Variants in NR3C2 observed in about 807,000 individuals in gnomAD.
NR3C2 encodes the protein nuclear receptor subfamily 3 group C member 2, also known as mineralocorticoid receptor.
A neutral mutation model predicts 86.4 loss-of-function variants in NR3C2; 15 were observed. That is an observed-to-expected ratio of 0.17 (90% CI 0.12 to 0.27). The LOEUF (loss-of-function observed/expected upper bound fraction) is 0.27. NR3C2 is among the 10% of genes least tolerant of loss of function. NR3C2 has a pLI of 1.00. For synonymous variants in NR3C2, 458 were observed against 450.5 expected (o/e 1.02, Z -0.21); for missense variants, 960 against 1,195.6 (o/e 0.80, Z 2.91).
At chr4:148,314,095 C>CA (rs2149940513) in intron 2 of NR3C2, among the ~76,000 whole-genome samples, 1 of 152,026 alleles carries the variant, frequency 6.6e-6, no homozygotes, top group East Asian at 1.9e-4. Context: ...CTATGGAGGG[C>CA]AAGTAAGATT....
intron 6 of NR3C2, among the ~76,000 whole-genome samples, chr4:148,132,834 G>C (rs373948465): frequency 6.6e-6 from 1 of 152,118 alleles, no homozygotes; most frequent in South Asian, 2.1e-4. Context: ...GGAGACTCAC[G>C]ATCACTTAAT....
intron 2 of NR3C2, among the ~76,000 whole-genome samples, chr4:148,320,689 G>A (rs1743526233): frequency 6.6e-6 from 1 of 151,862 alleles, no homozygotes; most frequent in Non-Finnish European, 1.5e-5. Flanking sequence ...ATTCTCTGAT[G>A]GTAGTTTGTA....
chr4:148,411,133 G>A (rs1210653005), intron 2 of NR3C2, among the ~76,000 whole-genome samples: 1 of 117,352 alleles, frequency 8.5e-6, no homozygotes, highest in African/African-American at 3.3e-5. Context: ...TCCCCCACCC[G>A]CCCACCACCC....
chr4:148,120,773 G>T (rs534249419), intron 6 of NR3C2, among the ~76,000 whole-genome samples: 1 of 152,296 alleles, frequency 6.6e-6, no homozygotes, highest in South Asian at 2.1e-4. Context: ...AGGTCATGGA[G>T]CATGTTATTA....
chr4:148,414,990 A>G (rs1312715508), intron 2 of NR3C2, among the ~76,000 whole-genome samples: 2 of 152,350 alleles, frequency 1.3e-5, no homozygotes, highest in African/African-American at 4.8e-5. Context: ...CATAAATGCA[A>G]ATCTTTAAAA....
chr4:148,172,739 C>A (rs1735192621), intron 4 of NR3C2, among the ~76,000 whole-genome samples: 1 of 152,110 alleles, frequency 6.6e-6, no homozygotes, highest in African/African-American at 2.4e-5. Context: ...GACAAAAGGA[C>A]AATTCTGTTC....
chr4:148,192,799 C>A (rs1378653281), intron 4 of NR3C2, among the ~76,000 whole-genome samples: 1 of 152,092 alleles, frequency 6.6e-6, no homozygotes, highest in Non-Finnish European at 1.5e-5. Flanking sequence ...TGCTCCCAGG[C>A]AAACTAAAGG....
At chr4:148,209,340 G>GGCTATCA (rs1465424380) in intron 3 of NR3C2, among the ~76,000 whole-genome samples, 7 of 152,104 alleles carry the variant, frequency 4.6e-5, no homozygotes, top group African/African-American at 1.2e-4. Flanking sequence ...ATCACGGGTG[G>GGCTATCA]GCTATCACAG....
intron 3 of NR3C2, among the ~76,000 whole-genome samples, chr4:148,196,965 T>C (rs1001901729): frequency 6.6e-6 from 1 of 152,230 alleles, no homozygotes; most frequent in South Asian, 2.1e-4. Flanking sequence ...TAGAGTTCTA[T>C]GTTAGTTAAC....
intron 2 of NR3C2, among the ~76,000 whole-genome samples, chr4:148,401,981 T>A (rs1372661684): frequency 6.6e-6 from 1 of 152,116 alleles, no homozygotes; most frequent in African/African-American, 2.4e-5. Flanking sequence ...CAGTCTGAGG[T>A]AGGTCCTAAA....
intron 3 of NR3C2, among the ~76,000 whole-genome samples, chr4:148,244,584 C>T (rs770841296): frequency 7.9e-5 from 12 of 152,164 alleles, no homozygotes; most frequent in Non-Finnish European, 2.9e-5. Context: ...ATGAGTTTCA[C>T]TATGCAATTT....
intron 2 of NR3C2, among the ~76,000 whole-genome samples, chr4:148,321,537 A>T (rs1743589685): frequency 6.6e-6 from 1 of 152,044 alleles, no homozygotes; most frequent in Non-Finnish European, 1.5e-5. Flanking sequence ...GTCACTCAGG[A>T]CTTGCTTCAT....
At chr4:148,171,113 C>A (rs1429007067) in intron 4 of NR3C2, among the ~76,000 whole-genome samples, 2 of 152,224 alleles carry the variant, frequency 1.3e-5, no homozygotes, top group Non-Finnish European at 2.9e-5. Context: ...CAGAACAGGG[C>A]TTCCCCTAAA....
intron 2 of NR3C2, among the ~76,000 whole-genome samples, chr4:148,274,344 A>T (rs960107169): frequency 6.6e-6 from 1 of 152,232 alleles, no homozygotes; most frequent in African/African-American, 2.4e-5. Context: ...AAATAATGGC[A>T]CAGATAAATT....
chr4:148,169,087 C>T (rs1315447557), intron 4 of NR3C2, among the ~76,000 whole-genome samples: 8 of 152,228 alleles, frequency 5.3e-5, no homozygotes, highest in East Asian at 1.9e-4. Context: ...CAGGTCACTA[C>T]GGTGGCATAA....
At chr4:148,091,096 G>T (rs1447808992) in intron 8 of NR3C2, among the ~76,000 whole-genome samples, 1 of 152,032 alleles carries the variant, frequency 6.6e-6, no homozygotes, top group Middle Eastern at 3.2e-3. Context: ...GCAGCTACCG[G>T]AAGTGCTGGC....
chr4:148,345,289 T>G (rs1406302993), intron 2 of NR3C2, among the ~76,000 whole-genome samples: 1 of 151,888 alleles, frequency 6.6e-6, no homozygotes, highest in African/African-American at 2.4e-5. Context: ...TATACACACG[T>G]GCACATGAAC....
chr4:148,349,291 A>C (rs1745153208), intron 2 of NR3C2, among the ~76,000 whole-genome samples: 1 of 152,082 alleles, frequency 6.6e-6, no homozygotes, highest in South Asian at 2.1e-4. Flanking sequence ...CCTGTGTCAC[A>C]AGAGTCCCTT....
chr4:148,284,833 A>T (rs1215030451), intron 2 of NR3C2, among the ~76,000 whole-genome samples: 2 of 152,194 alleles, frequency 1.3e-5, no homozygotes, highest in African/African-American at 4.8e-5. Flanking sequence ...GAGAGCACTG[A>T]GGGGCTGGGG....
Sources: allele counts gnomAD v4.1 joint callset (sites outside exome capture counted in the v4.1 genomes callset), GRCh38; gene constraint gnomAD v4.1.1; transcripts MANE v1.5; gene names NCBI Gene and HGNC (gene_info 2026-07-23, HGNC 2026-07-21).